GMPS: variants seen among roughly 807,000 people sequenced by gnomAD.
GMPS encodes guanosine monophosphate synthase.
A neutral mutation model predicts 77.9 loss-of-function variants in GMPS; 15 were observed. The observed-to-expected ratio is 0.19, with a 90% CI of 0.13 to 0.30. The LOEUF is 0.30. GMPS is among the 10% of genes least tolerant of loss of function. GMPS has a pLI of 1.00. For synonymous variants in GMPS, 224 were observed against 275.9 expected (o/e 0.81, Z 1.86); for missense variants, 590 against 838.8 (o/e 0.70, Z 3.66).
intron 2 of GMPS, among the ~76,000 whole-genome samples, chr3:155,897,493 G>T (rs559009246): frequency 2.6e-5 from 4 of 152,242 alleles, no homozygotes; most frequent in Admixed American, 6.5e-5. Context: ...AGAGTATTTT[G>T]CTCTGAGCCA....
chr3:155,941,763 C>T lies in GMPS; in HGVS notation c.*4071C>T, dbSNP rs1282702597. 3.2e-5 allele frequency: 7 copies of T among 220,158 alleles called. No individual in the cohort carries two copies. Among genetic ancestry groups the T allele is most frequent in the Non-Finnish European group, 6.4e-5 (7 of 109,892 alleles). The allele number at this position is 220,158 out of a possible 1,614,324, so 13.6% of individuals were successfully genotyped here. ...TAACACCACCAGATGATCAAGGGAT[C>T]AGGGTATCTTTCTGGTATCTTTTTA... is the stretch of plus-strand genomic sequence containing the variant. On this transcript the variant is annotated 3_prime_UTR_variant, in exon 16 of 16. Coordinates refer to ENST00000496455, the MANE Select transcript of GMPS (RefSeq NM_003875.3).
In GMPS at chr3:155,943,844, G is replaced by C. The variant is rs752422683; in HGVS notation, c.*6152G>C. 2 of 154,190 alleles carry C rather than the reference G, an allele frequency of 1.3e-5. No individual in the cohort carries two copies. Among genetic ancestry groups the C allele is most frequent in the Non-Finnish European group, 2.9e-5 (2 of 69,274 alleles). 9.6% of individuals were successfully genotyped at this position (154,190 alleles called of 1,614,324 possible). A position where few individuals can be genotyped will look rare whatever the true frequency, so the allele number is the denominator to read the frequency against. On this transcript the variant is annotated 3_prime_UTR_variant, in exon 16 of 16. Coordinates refer to ENST00000496455, the MANE Select transcript of GMPS (RefSeq NM_003875.3). Reference sequence around the variant, plus strand: ...CATAAGAAATTGCATATAGTGTCAAGGGTTTCTATATAACAACTTAATTTA... The same window carrying C: ...CATAAGAAATTGCATATAGTGTCAACGGTTTCTATATAACAACTTAATTTA...
intron 3 of GMPS, among the ~76,000 whole-genome samples, chr3:155,899,138 C>T (rs1014298854): frequency 9.9e-5 from 15 of 152,074 alleles, no homozygotes; most frequent in African/African-American, 3.1e-4. Flanking sequence ...GAGGCCGAGG[C>T]GGGTGGATCA....
chr3:155,918,304 T>G (rs887890249), intron 9 of GMPS, among the ~76,000 whole-genome samples: 1 of 151,798 alleles, frequency 6.6e-6, no homozygotes, highest in African/African-American at 2.4e-5. Flanking sequence ...ACAAAAAAAT[T>G]AGCCAGGTTT....
At chr3:155,934,856 A>C (rs537083354) in intron 13 of GMPS, 60 bp from the exon 14 acceptor site, 1 of 1,152,096 alleles carries the variant, frequency 8.7e-7, no homozygotes, top group Non-Finnish European at 1.3e-6. Context: ...TCTCATACTA[A>C]AATGTAATTT....
chr3:155,931,918 T>A (rs1393944216), intron 13 of GMPS, 38 bp downstream of exon 13: 1 of 897,392 alleles, frequency 1.1e-6, no homozygotes, highest in Admixed American at 1.8e-5. Flanking sequence ...GCTTGTGTAA[T>A]GGAAGGATGT....
chr3:155,927,792 C>G (rs541282172), intron 12 of GMPS, among the ~76,000 whole-genome samples: 1 of 152,252 alleles, frequency 6.6e-6, no homozygotes, highest in East Asian at 1.9e-4. Flanking sequence ...TTGGGGTACA[C>G]ATTGTCAACT....
At chr3:155,891,304 A>G (rs1055946749) in intron 1 of GMPS, among the ~76,000 whole-genome samples, 1 of 152,244 alleles carries the variant, frequency 6.6e-6, no homozygotes, top group African/African-American at 2.4e-5. Flanking sequence ...AAAGATAATA[A>G]TGGGACTGAG....
At chr3:155,906,119 T>C (rs1360737173) in intron 4 of GMPS, 41 bp from the exon 5 acceptor site, 4 of 1,176,676 alleles carry the variant, frequency 3.4e-6, no homozygotes, top group African/African-American at 3.1e-5. Flanking sequence ...AATCATGTTT[T>C]TAATTAAGAT....
upstream of GMPS, among the ~76,000 whole-genome samples, chr3:155,869,936 G>C (rs1753859718): frequency 6.6e-6 from 1 of 152,158 alleles, no homozygotes; most frequent in African/African-American, 2.4e-5. Context: ...TTGCCAAGGG[G>C]TAGGTGGAGG....
intron 4 of GMPS, among the ~76,000 whole-genome samples, chr3:155,904,668 T>C (rs1414896105): frequency 6.6e-6 from 1 of 152,226 alleles, no homozygotes; most frequent in African/African-American, 2.4e-5. Context: ...AAGTTACTCA[T>C]TGTCAAAATG....
In GMPS at chr3:155,892,907, C is replaced by T. The variant is rs534346162; in HGVS notation, c.28-611C>T. Among the ~76,000 whole-genome samples, 11 of 152,356 alleles carry T rather than the reference C, an allele frequency of 7.2e-5. No homozygotes were observed. The East Asian group carries it at 1.5e-3, about 21-fold the overall frequency. On this transcript the variant is annotated intron_variant, in intron 1 of 15. Transcript: ENST00000496455. Reference sequence around the variant, plus strand: ...TTGGCCTCCCAAAGTGCTGGGATTACAGGCGTGAGCCACCGCGCCCGGCCT... The same window carrying T: ...TTGGCCTCCCAAAGTGCTGGGATTATAGGCGTGAGCCACCGCGCCCGGCCT...
At chr3:155,921,579 C>T (rs1038835696) in intron 10 of GMPS, among the ~76,000 whole-genome samples, 4 of 152,048 alleles carry the variant, frequency 2.6e-5, no homozygotes, top group African/African-American at 9.7e-5. Context: ...TTCCAGAAGC[C>T]GAGCTTCTGG....
Position 155,925,230 on chromosome 3 carries a change from G to A in GMPS, c.1435-11G>A, listed in dbSNP as rs1577531255. ...TTAAAACTGAAAAAATGCCTCTTTGGTTTTTCTCAGCCACATACCCTATTA... is the reference window on the plus strand; with the variant it reads ...TTAAAACTGAAAAAATGCCTCTTTGATTTTTCTCAGCCACATACCCTATTA... On this transcript the variant is annotated splice_polypyrimidine_tract_variant and intron_variant, in intron 11 of 15. Transcript: ENST00000496455. 1 of 1,599,496 alleles carries A rather than the reference G, an allele frequency of 6.3e-7. No individual in the cohort carries two copies. Among genetic ancestry groups the A allele is most frequent in the Non-Finnish European group, 8.5e-7 (1 of 1,175,106 alleles).
At chr3:155,908,619 G>A (rs954973084) in intron 5 of GMPS, among the ~76,000 whole-genome samples, 1 of 152,158 alleles carries the variant, frequency 6.6e-6, no homozygotes, top group African/African-American at 2.4e-5. Context: ...CAGAGACAGA[G>A]GATTTGCTGT....
intron 3 of GMPS, among the ~76,000 whole-genome samples, chr3:155,898,649 A>G (rs781288988): frequency 6.6e-6 from 1 of 152,100 alleles, no homozygotes; most frequent in East Asian, 1.9e-4. Flanking sequence ...CTTCTCTTTC[A>G]TGAGCTTGAA....
chr3:155,902,845 A>T (rs1754764427), intron 3 of GMPS, among the ~76,000 whole-genome samples: 1 of 152,224 alleles, frequency 6.6e-6, no homozygotes, highest in Non-Finnish European at 1.5e-5. Context: ...GTGCTACAGA[A>T]GAGAGTTTTG....
At chr3:155,913,970 G>A (rs892767310) in intron 7 of GMPS, among the ~76,000 whole-genome samples, 1 of 151,028 alleles carries the variant, frequency 6.6e-6, no homozygotes, top group African/African-American at 2.4e-5. Flanking sequence ...TTTTGGGGAT[G>A]GAGTCTCTCT....
chr3:155,906,296 T>TA, intron 5 of GMPS, 33 bp downstream of exon 5: 1 of 1,277,786 alleles, frequency 7.8e-7, no homozygotes, highest in Non-Finnish European at 1.1e-6. Flanking sequence ...AGAGTTCATT[T>TA]AAAAAACTTT....
Sources: allele counts gnomAD v4.1 joint callset (sites outside exome capture counted in the v4.1 genomes callset), GRCh38; gene constraint gnomAD v4.1.1; transcripts MANE v1.5; gene names NCBI Gene and HGNC (gene_info 2026-07-23, HGNC 2026-07-21).